The following GRAMD1B variants were observed in gnomAD, a reference collection of about 807,000 sequenced individuals.
The protein encoded by GRAMD1B is protein Aster-B.
In GRAMD1B, 37 loss-of-function variants were observed where a neutral mutation model predicts 99.7. The observed-to-expected ratio is 0.37, with a 90% CI of 0.29 to 0.49. The LOEUF is 0.49. Ranked by LOEUF, GRAMD1B falls within the 20% of genes least tolerant of loss-of-function variation. GRAMD1B has a pLI of 0.98. For synonymous variants in GRAMD1B, 427 were observed against 387.6 expected (o/e 1.10, Z -1.19); for missense variants, 888 against 1,009.2 (o/e 0.88, Z 1.63).
At chr11:123,461,665 C>T (rs948029159) in intron 1 of GRAMD1B, among the ~76,000 whole-genome samples, 2 of 152,188 alleles carry the variant, frequency 1.3e-5, no homozygotes, top group Admixed American at 6.5e-5. Context: ...AGTGCAATGG[C>T]GTGATCTCGG....
chr11:123,506,320 G>A (rs1414181545), intron 2 of GRAMD1B, among the ~76,000 whole-genome samples: 4 of 152,058 alleles, frequency 2.6e-5, no homozygotes, highest in Admixed American at 2.0e-4. Flanking sequence ...GGAACTTGGT[G>A]CTTGTGCTTC....
At chr11:123,593,243 A>AAACC (rs1194842211) in intron 4 of GRAMD1B, among the ~76,000 whole-genome samples, 1 of 151,860 alleles carries the variant, frequency 6.6e-6, no homozygotes, top group African/African-American at 2.4e-5. Context: ...ACAAACAAAC[A>AAACC]AACAAACAAA....
chr11:123,568,535 C>T (rs755382978), intron 2 of GRAMD1B, among the ~76,000 whole-genome samples: 33 of 152,218 alleles, frequency 2.2e-4, no homozygotes, highest in Non-Finnish European at 4.1e-4. Context: ...TCATTTCTGT[C>T]AAGATGTTGC....
chr11:123,522,792 C>G (rs1942324289), intron 2 of GRAMD1B, among the ~76,000 whole-genome samples: 1 of 152,316 alleles, frequency 6.6e-6, no homozygotes, highest in East Asian at 1.9e-4. Flanking sequence ...CACACAGACA[C>G]TCAAGCCAGC....
At chr11:123,558,335 G>C (rs773774574) in intron 2 of GRAMD1B, among the ~76,000 whole-genome samples, 1 of 152,026 alleles carries the variant, frequency 6.6e-6, no homozygotes, top group Non-Finnish European at 1.5e-5. Context: ...ATGCTGGAGG[G>C]ACATGAAAGA....
intron 2 of GRAMD1B, among the ~76,000 whole-genome samples, chr11:123,527,710 G>C (rs1325216072): frequency 6.6e-6 from 1 of 152,160 alleles, no homozygotes; most frequent in Non-Finnish European, 1.5e-5. Flanking sequence ...GAAAAGCCCA[G>C]GTGCTGCAGG....
chr11:123,512,294 G>A (rs528731768), intron 2 of GRAMD1B, among the ~76,000 whole-genome samples: 2 of 152,308 alleles, frequency 1.3e-5, no homozygotes, highest in African/African-American at 4.8e-5. Flanking sequence ...TAGCTCTTGA[G>A]GTTGTAGGTG....
chr11:123,615,870 C>G (rs1954304369), intron 17 of GRAMD1B, among the ~76,000 whole-genome samples: 1 of 152,170 alleles, frequency 6.6e-6, no homozygotes, highest in Non-Finnish European at 1.5e-5. Context: ...ACAAAGAAGA[C>G]AAGGTCTAGG....
rs1948955803 is a variant in GRAMD1B at position 123,578,294 on chromosome 11, C to A, written c.663+717C>A. 2.7e-5 allele frequency: 23 copies of A among 840,978 alleles called. No individual in the cohort carries two copies. In the South Asian group the frequency reaches 3.1e-4, roughly 11 times the overall value. The allele number at this position is 840,978 out of a possible 1,614,324, so 52.1% of individuals were successfully genotyped here. The stretch of plus-strand genomic sequence containing the variant: ...CAGGGCCTGGGAAGGGGTTGGGGAC[C>A]CCTGGGAGGCATGGGAGCTGGCTTC... On this transcript the variant is annotated intron_variant, in intron 3 of 19. Coordinates refer to ENST00000635736, the MANE Select transcript of GRAMD1B (RefSeq NM_001387025.1).
At chr11:123,593,931 C>G (rs1437446554) in intron 4 of GRAMD1B, 151 bp from the exon 5 acceptor site, 2 of 631,586 alleles carry the variant, frequency 3.2e-6, no homozygotes, top group African/African-American at 1.8e-5. Context: ...ACCGAGGCGC[C>G]GTTCCTCAGC....
At chr11:123,430,193 C>A (rs1948801174), upstream of GRAMD1B, among the ~76,000 whole-genome samples, 2 of 151,840 alleles carry the variant, frequency 1.3e-5, no homozygotes, top group Non-Finnish European at 2.9e-5. Context: ...TCAGGATAGC[C>A]CCCCTCACCC....
intron 1 of GRAMD1B, among the ~76,000 whole-genome samples, chr11:123,398,352 CTCTT>C (rs1947540773): frequency 6.6e-6 from 1 of 152,214 alleles, no homozygotes; most frequent in Non-Finnish European, 1.5e-5. Context: ...GCTAAGGTCT[CTCTT>C]CTTCTTATAA....
At chr11:123,469,784 C>CTTCA (rs1324570776) in intron 1 of GRAMD1B, among the ~76,000 whole-genome samples, 5 of 91,416 alleles carry the variant, frequency 5.5e-5, no homozygotes, top group African/African-American at 1.8e-4. Context: ...TCTTTCCTTC[C>CTTCA]TTCCTTCCTT....
intron 1 of GRAMD1B, among the ~76,000 whole-genome samples, chr11:123,443,913 A>G (rs1363604662): frequency 6.6e-6 from 1 of 152,228 alleles, no homozygotes; most frequent in Non-Finnish European, 1.5e-5. Flanking sequence ...GGCAAGTCAG[A>G]AAAGAGTTAA....
At chr11:123,541,865 C>A (rs1215888356) in intron 2 of GRAMD1B, among the ~76,000 whole-genome samples, 7 of 152,094 alleles carry the variant, frequency 4.6e-5, no homozygotes, top group African/African-American at 9.7e-5. Flanking sequence ...AAAATTAATA[C>A]ATTAGTACAC....
intron 1 of GRAMD1B, among the ~76,000 whole-genome samples, chr11:123,462,201 T>A (rs1404531251): frequency 6.6e-6 from 1 of 150,474 alleles, no homozygotes; most frequent in Admixed American, 6.6e-5. Context: ...TCTCCTGACC[T>A]CGTGATCTGC....
chr11:123,576,864 G>T (rs562528632), intron 2 of GRAMD1B, among the ~76,000 whole-genome samples: 38 of 152,318 alleles, frequency 2.5e-4, no homozygotes, highest in African/African-American at 8.7e-4. Flanking sequence ...CTCCCTTGGT[G>T]GAATGTTTTA....
intron 1 of GRAMD1B, among the ~76,000 whole-genome samples, chr11:123,367,141 T>G (rs150615810): frequency 0.017 from 2,641 of 152,270 alleles, 36 homozygotes; most frequent in Non-Finnish European, 0.026. Flanking sequence ...AGTTTGAGGT[T>G]GCAGTGACCC....
intron 2 of GRAMD1B, among the ~76,000 whole-genome samples, chr11:123,519,657 C>T (rs1942008842): frequency 2.0e-5 from 3 of 152,352 alleles, no homozygotes; most frequent in South Asian, 4.1e-4. Flanking sequence ...GGTACTGCAG[C>T]GCTGCTGCAC....
Sources: allele counts gnomAD v4.1 joint callset (sites outside exome capture counted in the v4.1 genomes callset), GRCh38; gene constraint gnomAD v4.1.1; transcripts MANE v1.5; gene names NCBI Gene and HGNC (gene_info 2026-07-23, HGNC 2026-07-21).